Variants in PDZD9 observed in about 807,000 individuals in gnomAD.
PDZD9 encodes PDZ domain containing 9.
A neutral mutation model predicts 16.3 loss-of-function variants in PDZD9; 13 were observed. The observed-to-expected ratio is 0.80, with a 90% CI of 0.52 to 1.27. The LOEUF (loss-of-function observed/expected upper bound fraction) is 1.27. PDZD9 is among the 50% of genes most tolerant of loss of function. The pLI is 0.00. For synonymous variants in PDZD9, 120 were observed against 111.0 expected (o/e 1.08, Z -0.51); for missense variants, 288 against 310.9 (o/e 0.93, Z 0.55).
In PDZD9 at chr16:21,984,145, G is replaced by C. The variant is rs556595333; in HGVS notation, c.*122C>G. Reference sequence around the variant, plus strand: ...ACATCTCTAAAGGCTTTATAACGCAGTCATAAGAGAAGAGAATTGGTGAGT... The same window carrying C: ...ACATCTCTAAAGGCTTTATAACGCACTCATAAGAGAAGAGAATTGGTGAGT... On this transcript the variant is annotated 3_prime_UTR_variant, in exon 4 of 4. Transcript: ENST00000424898. 9.1e-7 allele frequency: 1 copy of C among 1,104,454 alleles called. No homozygotes were observed. The highest frequency in any genetic ancestry group is 1.6e-5 in the African/African-American group (1 of 63,754). 68.4% of individuals were successfully genotyped at this position (1,104,454 alleles called of 1,614,324 possible).
At chr16:21,970,723 TTACA>T in the PDZD9 span, among the ~76,000 whole-genome samples, 2 of 152,090 alleles carry the variant, frequency 1.3e-5, no homozygotes, top group Non-Finnish European at 2.9e-5. Flanking sequence ...GTAGCTGGGA[TTACA>T]GGTGCATGCC....
downstream of PDZD9, chr16:21,983,038 A>C: frequency 1.3e-6 from 2 of 1,485,584 alleles, no homozygotes; most frequent in Non-Finnish European, 1.9e-6. Flanking sequence ...CTGCTTGATG[A>C]TATATATTTT....
chr16:21,966,679 T>C, the PDZD9 span, among the ~76,000 whole-genome samples: 1 of 152,350 alleles, frequency 6.6e-6, no homozygotes, highest in East Asian at 1.9e-4. Context: ...AAATTTTAAC[T>C]TACATCATCC....
chr16:21,968,628 T>G, the PDZD9 span: 1 of 1,606,180 alleles, frequency 6.2e-7, no homozygotes, highest in Non-Finnish European at 8.5e-7. Context: ...ACTTCCTCAG[T>G]TACATTACTT....
chr16:21,961,164 T>C, the PDZD9 span, among the ~76,000 whole-genome samples: 1 of 152,150 alleles, frequency 6.6e-6, no homozygotes, highest in African/African-American at 2.4e-5. Context: ...GTGGTAAAGA[T>C]GATAGAGAAT....
the PDZD9 span, chr16:21,976,512 C>G: frequency 3.0e-6 from 1 of 335,292 alleles, no homozygotes; most frequent in Non-Finnish European, 5.5e-6. Context: ...GGCAACATAG[C>G]AAGACCTCGT....
At chr16:21,970,973 T>C in the PDZD9 span, among the ~76,000 whole-genome samples, 1 of 152,178 alleles carries the variant, frequency 6.6e-6, no homozygotes, top group African/African-American at 2.4e-5. Context: ...TTATATATTT[T>C]GGTTACTCAA....
the PDZD9 span, among the ~76,000 whole-genome samples, chr16:21,958,115 C>G: frequency 6.6e-6 from 1 of 152,170 alleles, no homozygotes; most frequent in Middle Eastern, 3.2e-3. Flanking sequence ...AAACCCAGTA[C>G]TGTCCCCTAA....
At chr16:21,966,814 A>G in the PDZD9 span, among the ~76,000 whole-genome samples, 1 of 152,234 alleles carries the variant, frequency 6.6e-6, no homozygotes, top group East Asian at 1.9e-4. Context: ...AAGTTTATCT[A>G]CAAGGATGGC....
chr16:21,993,570 A>G (rs1489697826), intron 2 of PDZD9, among the ~76,000 whole-genome samples: 1 of 152,160 alleles, frequency 6.6e-6, no homozygotes, highest in Admixed American at 6.5e-5. Flanking sequence ...TTAGCTGCAA[A>G]TTAGAATCAC....
the PDZD9 span, among the ~76,000 whole-genome samples, chr16:21,978,744 G>A: frequency 6.6e-6 from 1 of 152,152 alleles, no homozygotes; most frequent in Non-Finnish European, 1.5e-5. Flanking sequence ...ATAGAATGGA[G>A]GCCATTAGCA....
the PDZD9 span, chr16:21,974,070 T>C: frequency 2.7e-6 from 3 of 1,111,978 alleles, no homozygotes; most frequent in Middle Eastern, 2.0e-4. Flanking sequence ...AATGTTTGAA[T>C]GCAGTGCAAT....
intron 2 of PDZD9, among the ~76,000 whole-genome samples, chr16:21,990,262 T>C (rs1898990867): frequency 6.6e-6 from 1 of 152,188 alleles, no homozygotes; most frequent in South Asian, 2.1e-4. Context: ...ATCTTACTAG[T>C]ACTGACCTTC....
downstream of PDZD9, among the ~76,000 whole-genome samples, chr16:21,982,765 G>C (rs1404448791): frequency 6.6e-6 from 1 of 152,098 alleles, no homozygotes; most frequent in Non-Finnish European, 1.5e-5. Context: ...AGGAGTTTGA[G>C]ACCAGCCTGG....
At position 21,996,307 on chromosome 16, in the gene PDZD9, C is replaced by G. The variant is rs767062900; in HGVS notation, c.211+15G>C. The G allele has an allele frequency of 1.0e-5, 16 of 1,531,508 alleles. No homozygotes were observed. Among genetic ancestry groups the G allele is most frequent in the Non-Finnish European group, 1.3e-5 (15 of 1,144,712 alleles). The allele number at this position is 1,531,508 out of a possible 1,614,324, so 94.9% of individuals were successfully genotyped here. A position where few individuals can be genotyped will look rare whatever the true frequency, so the allele number is the denominator to read the frequency against. On this transcript the variant is annotated intron_variant, in intron 2 of 3. Transcript: ENST00000424898. ...CAGGATGGGTGGTTGGGAAGCATGG[C>G]GAAAGGGCAATCACCTGGCTGGAGT...
At chr16:21,961,659 T>C in the PDZD9 span, among the ~76,000 whole-genome samples, 1 of 106,574 alleles carries the variant, frequency 9.4e-6, no homozygotes, top group South Asian at 3.5e-4. Flanking sequence ...TATATATATA[T>C]ATATATATAT....
chr16:21,974,023 C>A, the PDZD9 span: 12 of 1,449,900 alleles, frequency 8.3e-6, no homozygotes, highest in African/African-American at 1.4e-4. Flanking sequence ...AGTTATTTCT[C>A]CCCCCCGCCA....
the PDZD9 span, among the ~76,000 whole-genome samples, chr16:21,963,420 A>G: frequency 1.2e-4 from 18 of 152,220 alleles, no homozygotes; most frequent in Non-Finnish European, 2.6e-4. Flanking sequence ...AATTGTTTGT[A>G]AGATCCTAGA....
intron 3 of PDZD9, 34 bp from the exon 4 acceptor site, chr16:21,984,694 C>A (rs369956812): frequency 5.1e-5 from 74 of 1,442,772 alleles, no homozygotes; most frequent in Non-Finnish European, 6.4e-5. Context: ...AAAATAGATT[C>A]TTCATGTCTA....
Sources: allele counts gnomAD v4.1 joint callset (sites outside exome capture counted in the v4.1 genomes callset), GRCh38; gene constraint gnomAD v4.1.1; transcripts MANE v1.5; gene names NCBI Gene and HGNC (gene_info 2026-07-23, HGNC 2026-07-21).